The following SLC15A1 variants were observed in gnomAD, a reference collection of about 807,000 sequenced individuals.
SLC15A1 encodes the protein Caco-2 oligopeptide transporter.
In SLC15A1, 83 loss-of-function variants were observed where a neutral mutation model predicts 92.9. The ratio of observed to expected loss-of-function variants is 0.89; its 90% CI spans 0.75 to 1.07. SLC15A1 has a LOEUF of 1.07. SLC15A1 is among the 50% of genes least tolerant of loss of function. SLC15A1 has a pLI of 0.00. For missense variants in SLC15A1, 857 were observed against 880.1 expected (o/e 0.97, Z 0.33); for synonymous variants, 322 against 318.2 (o/e 1.01, Z -0.13).
chr13:98,723,764 CT>C, intron 5 of SLC15A1, 147 bp downstream of exon 5: 1 of 1,076,148 alleles, frequency 9.3e-7, no homozygotes, highest in African/African-American at 1.6e-5. Flanking sequence ...CCAGCTCAAT[CT>C]ATTTGACAGC....
chr13:98,692,000 G>T (rs1345260842), intron 18 of SLC15A1, among the ~76,000 whole-genome samples: 3 of 151,766 alleles, frequency 2.0e-5, no homozygotes, highest in Admixed American at 2.0e-4. Context: ...TTGAACCCAG[G>T]AGGTGGAGGT....
At chr13:98,698,821 A>G (rs756224888) in intron 18 of SLC15A1, among the ~76,000 whole-genome samples, 1 of 152,182 alleles carries the variant, frequency 6.6e-6, no homozygotes, top group South Asian at 2.1e-4. Context: ...TATACAAAAT[A>G]TACTATTACT....
At chr13:98,697,478 C>T (rs1208807409) in intron 18 of SLC15A1, among the ~76,000 whole-genome samples, 1 of 152,108 alleles carries the variant, frequency 6.6e-6, no homozygotes, top group African/African-American at 2.4e-5. Context: ...AAATGGAAGA[C>T]CCTCTTGCTG....
chr13:98,749,241 C>T (rs1256020683), intron 1 of SLC15A1, among the ~76,000 whole-genome samples: 1 of 152,188 alleles, frequency 6.6e-6, no homozygotes, highest in Non-Finnish European at 1.5e-5. Flanking sequence ...ACAGCCCATC[C>T]ATCATTTTAA....
chr13:98,702,442 A>G (rs773519822), intron 18 of SLC15A1, 38 bp downstream of exon 18: 107 of 1,400,574 alleles, frequency 7.6e-5, no homozygotes, highest in Non-Finnish European at 1.0e-4. Context: ...CTTTCATAAG[A>G]ATCTGATAAA....
chr13:98,750,225 G>T (rs866824937), intron 1 of SLC15A1, among the ~76,000 whole-genome samples: 7 of 151,834 alleles, frequency 4.6e-5, no homozygotes, highest in African/African-American at 1.7e-4. Context: ...TGATTCTCCT[G>T]CCTCAGCCTC....
In SLC15A1 at chr13:98,704,348, C is replaced by T. The variant is rs549365999; in HGVS notation, c.1357G>A (p.Asp453Asn). 9.9e-6 allele frequency: 16 copies of T among 1,613,712 alleles called. No individual in the cohort carries two copies. Among genetic ancestry groups the T allele is most frequent in the South Asian group, 3.3e-5 (3 of 91,040 alleles). The change falls in exon 17 of 23, where the codon GAC (aspartate) becomes AAC (asparagine). Residue 453 changes from aspartate (D) to asparagine (N), a missense_variant. Physicochemically the swap from Asp to Asn is conservative, Grantham distance 23. Transcript: ENST00000376503. ...PGSPVTAVTDDFKQGQRHTLL... is the reference protein window; with the variant it reads ...PGSPVTAVTDNFKQGQRHTLL... ...GTGTGGCGTTGGCCCTGCTTGAAGT[C>T]GTCAGTTACAGCAGTGACTGGTGAT...
chr13:98,707,717 C>T (rs1234478450), intron 15 of SLC15A1, among the ~76,000 whole-genome samples: 2 of 151,666 alleles, frequency 1.3e-5, no homozygotes, highest in Non-Finnish European at 2.9e-5. Context: ...CACAGGGGGA[C>T]CCTGGCTTTA....
At chr13:98,704,111 C>T (rs1325022368) in intron 17 of SLC15A1, among the ~76,000 whole-genome samples, 178 bp downstream of exon 17, 3 of 152,184 alleles carry the variant, frequency 2.0e-5, no homozygotes, top group Admixed American at 6.5e-5. Flanking sequence ...ATCCACCAGT[C>T]ATACTTTTAT....
At chr13:98,718,815 T>G (rs1033913322) in intron 8 of SLC15A1, among the ~76,000 whole-genome samples, 1 of 152,064 alleles carries the variant, frequency 6.6e-6, no homozygotes, top group Middle Eastern at 3.2e-3. Context: ...GTCTTTTTGT[T>G]TGTTTGTTTT....
Position 98,687,582 on chromosome 13 carries a change from T to G in SLC15A1, c.1826A>C (p.Gln609Pro). The G allele has an allele frequency of 6.2e-7, 1 of 1,613,888 alleles. No homozygotes were observed. Among genetic ancestry groups the G allele is most frequent in the Non-Finnish European group, 8.5e-7 (1 of 1,179,930 alleles). ...TGGTAAATACAACAAACAAGAAACC[T>G]GAGAATATGAGAATTCCAATCCCGT... ...SVTGLEFSYS[Q>P]APSNMKSVLQ... Residue 609 changes from glutamine to proline, a missense_variant and splice_region_variant, in exon 21 of 23, where the codon CAG (glutamine) becomes CCG (proline). Coordinates refer to ENST00000376503, the MANE Select transcript of SLC15A1 (RefSeq NM_005073.4).
In SLC15A1 at chr13:98,715,911, G is replaced by C; in HGVS notation, c.690C>G (p.Gly230=). ...ACTTGGCCACTTTACCCATGATGTT[G>C]CCCTGTGGCTTGAACTTCTTGTACA... is the stretch of plus-strand genomic sequence containing the variant. ...SGMYKKFKPQ[G]NIMGKVAKCI... is the part of the protein sequence containing the mutation. The change falls in exon 9 of 23, where the codon GGC becomes GGG. Residue 230 remains glycine, a synonymous_variant. Transcript: ENST00000376503. 6.2e-7 allele frequency: 1 copy of C among 1,614,158 alleles called. No homozygotes were observed. Among genetic ancestry groups the C allele is most frequent in the African/African-American group, 1.3e-5 (1 of 75,040 alleles).
intron 18 of SLC15A1, among the ~76,000 whole-genome samples, chr13:98,692,851 A>T (rs1418631202): frequency 6.6e-6 from 1 of 151,674 alleles, no homozygotes; most frequent in Non-Finnish European, 1.5e-5. Flanking sequence ...GGCTCAGGTG[A>T]TCCTCCCACC....
rs79334344 is a variant in SLC15A1 at position 98,708,232 on chromosome 13, A to G, written c.1149+454T>C. 8.3e-3 allele frequency among the ~76,000 whole-genome samples: 1,261 copies of G among 152,290 alleles called. 25 individuals carry two copies. The highest frequency in any genetic ancestry group is 0.029 in the African/African-American group (1,205 of 41,566). On this transcript the variant is annotated intron_variant, in intron 15 of 22. Transcript: ENST00000376503. ...TAGGAACTGATCTCAGACTACCAGC[A>G]TTAGTCTAGTTTAGCCCACTGCGAG...
intron 18 of SLC15A1, among the ~76,000 whole-genome samples, chr13:98,689,172 T>A (rs925228145): frequency 6.6e-6 from 1 of 152,188 alleles, no homozygotes; most frequent in African/African-American, 2.4e-5. Context: ...ACTCATGACC[T>A]CAGACGATCT....
At chr13:98,716,499 G>C (rs2088212253) in intron 8 of SLC15A1, among the ~76,000 whole-genome samples, 1 of 151,818 alleles carries the variant, frequency 6.6e-6, no homozygotes. Flanking sequence ...ATGGGCACCT[G>C]TAATCCCAGC....
intron 1 of SLC15A1, among the ~76,000 whole-genome samples, chr13:98,740,383 G>A (rs866361409): frequency 1.2e-4 from 18 of 152,090 alleles, no homozygotes; most frequent in Middle Eastern, 3.2e-3. Flanking sequence ...CAAACCTTGC[G>A]TGCTCTCTCC....
At chr13:98,703,826 A>G (rs1300299590) in intron 17 of SLC15A1, among the ~76,000 whole-genome samples, 1 of 152,044 alleles carries the variant, frequency 6.6e-6, no homozygotes, top group African/African-American at 2.4e-5. Flanking sequence ...GTATTTTCTC[A>G]TCAAATATTT....
chr13:98,705,359 A>T (rs2088104565), intron 16 of SLC15A1, among the ~76,000 whole-genome samples: 1 of 152,080 alleles, frequency 6.6e-6, no homozygotes, highest in African/African-American at 2.4e-5. Flanking sequence ...CACTGTGAAC[A>T]TTTGGGTCAC....
Sources: allele counts gnomAD v4.1 joint callset (sites outside exome capture counted in the v4.1 genomes callset), GRCh38; gene constraint gnomAD v4.1.1; transcripts MANE v1.5; gene names NCBI Gene and HGNC (gene_info 2026-07-23, HGNC 2026-07-21).